The following FRMD4A variants were observed in gnomAD, a reference collection of about 807,000 sequenced individuals.
FRMD4A encodes the protein FERM domain containing 4A.
In FRMD4A, 29 loss-of-function variants were observed where a neutral mutation model predicts 129.1. The observed-to-expected ratio is 0.22, with a 90% CI of 0.17 to 0.31. The LOEUF (loss-of-function observed/expected upper bound fraction) is 0.31. Ranked by LOEUF, FRMD4A falls within the 10% of genes least tolerant of loss-of-function variation. The probability of loss-of-function intolerance (pLI) is 1.00; values close to 1 mark genes in which losing one functional copy is unlikely to be tolerated. For missense variants in FRMD4A, 1,272 were observed against 1,375.8 expected (o/e 0.92, Z 1.19); for synonymous variants, 634 against 571.6 (o/e 1.11, Z -1.56).
At chr10:14,035,611 G>T (rs1448718320) in intron 2 of FRMD4A, among the ~76,000 whole-genome samples, 2 of 151,954 alleles carry the variant, frequency 1.3e-5, no homozygotes, top group African/African-American at 4.8e-5. Flanking sequence ...TTTTCTCCTG[G>T]GCTGCGTACC....
At chr10:14,185,656 T>G (rs1052535354) in intron 2 of FRMD4A, among the ~76,000 whole-genome samples, 8 of 152,188 alleles carry the variant, frequency 5.3e-5, no homozygotes, top group African/African-American at 1.9e-4. Context: ...GGGGCGGTTG[T>G]TAGCTGTGCA....
At chr10:13,731,679 C>T (rs1240963172) in intron 12 of FRMD4A, among the ~76,000 whole-genome samples, 1 of 151,088 alleles carries the variant, frequency 6.6e-6, no homozygotes, top group African/African-American at 2.4e-5. Flanking sequence ...ATTCTACATC[C>T]TATCCTCAGA....
chr10:13,848,972 T>C (rs940931837), intron 3 of FRMD4A, among the ~76,000 whole-genome samples: 1 of 152,230 alleles, frequency 6.6e-6, no homozygotes, highest in Non-Finnish European at 1.5e-5. Flanking sequence ...TATCTTACCA[T>C]GTCTTTCTTC....
chr10:13,701,909 C>T (rs1247855995), intron 13 of FRMD4A, among the ~76,000 whole-genome samples: 1 of 152,134 alleles, frequency 6.6e-6, no homozygotes, highest in Non-Finnish European at 1.5e-5. Context: ...CAGGCTACAG[C>T]GTCCCAGGGA....
intron 2 of FRMD4A, among the ~76,000 whole-genome samples, chr10:14,164,285 C>T (rs1459137401): frequency 6.6e-6 from 1 of 152,208 alleles, no homozygotes; most frequent in Non-Finnish European, 1.5e-5. Flanking sequence ...GCCGCTCTGG[C>T]TGGGAGAATG....
At chr10:13,740,014 C>T (rs1447111385) in intron 11 of FRMD4A, among the ~76,000 whole-genome samples, 180 bp downstream of exon 11, 2 of 152,156 alleles carry the variant, frequency 1.3e-5, no homozygotes, top group African/African-American at 2.4e-5. Flanking sequence ...GTAGGAGAAT[C>T]GCTTGAACCC....
intron 2 of FRMD4A, among the ~76,000 whole-genome samples, chr10:14,188,973 A>C (rs1385789233): frequency 6.6e-6 from 1 of 152,204 alleles, no homozygotes; most frequent in Non-Finnish European, 1.5e-5. Context: ...TGAGCAACCC[A>C]GCTCACCTCT....
Position 14,301,129 on chromosome 10 carries a change from C to T in FRMD4A, c.45+28929G>A, listed in dbSNP as rs78724032. 9.2e-3 allele frequency among the ~76,000 whole-genome samples: 1,404 copies of T among 152,308 alleles called. 9 individuals are homozygous for T. Among genetic ancestry groups the T allele is most frequent in the Middle Eastern group, 0.058 (17 of 294 alleles). ...AGATTCTCTGGTTGACATATTGTCA[C>T]TCATAAACACCAGGAAAGTAACATT... On this transcript the variant is annotated intron_variant, in intron 2 of 24. Coordinates refer to ENST00000357447, the MANE Select transcript of FRMD4A (RefSeq NM_018027.5).
intron 2 of FRMD4A, among the ~76,000 whole-genome samples, chr10:13,963,537 G>T (rs576186143): frequency 6.6e-6 from 1 of 152,192 alleles, no homozygotes; most frequent in Non-Finnish European, 1.5e-5. Context: ...AGATAAAAAC[G>T]AATCATTGAA....
chr10:13,737,385 C>T (rs2090697808), intron 12 of FRMD4A, among the ~76,000 whole-genome samples: 1 of 152,176 alleles, frequency 6.6e-6, no homozygotes, highest in Non-Finnish European at 1.5e-5. Flanking sequence ...CCAGCGTGCC[C>T]AGCCTTTCAG....
chr10:14,315,380 T>C (rs995554435), intron 2 of FRMD4A, among the ~76,000 whole-genome samples: 1 of 152,210 alleles, frequency 6.6e-6, no homozygotes. Flanking sequence ...ACCTATTTCT[T>C]CTGTGATCTC....
At chr10:14,098,394 T>C (rs1433895157) in intron 2 of FRMD4A, among the ~76,000 whole-genome samples, 1 of 151,174 alleles carries the variant, frequency 6.6e-6, no homozygotes, top group Non-Finnish European at 1.5e-5. Flanking sequence ...TGGTTCTCTC[T>C]TTTTTTCTTT....
intron 2 of FRMD4A, among the ~76,000 whole-genome samples, chr10:13,978,289 T>A (rs1325025550): frequency 6.6e-6 from 1 of 152,168 alleles, no homozygotes; most frequent in Non-Finnish European, 1.5e-5. Context: ...GCTGGTGTGC[T>A]GTCCCCCATG....
chr10:13,903,950 T>C (rs2094850687), intron 2 of FRMD4A, among the ~76,000 whole-genome samples: 1 of 152,314 alleles, frequency 6.6e-6, no homozygotes, highest in Middle Eastern at 3.4e-3. Flanking sequence ...AGAATTGCAG[T>C]CTTAAGAACT....
chr10:13,889,676 A>T (rs1397416326), intron 2 of FRMD4A, among the ~76,000 whole-genome samples: 1 of 152,234 alleles, frequency 6.6e-6, no homozygotes, highest in Non-Finnish European at 1.5e-5. Context: ...GGCAGATCAC[A>T]CTTGGTCAGA....
intron 2 of FRMD4A, among the ~76,000 whole-genome samples, chr10:14,194,092 T>A (rs1842399677): frequency 6.6e-6 from 1 of 152,214 alleles, no homozygotes; most frequent in South Asian, 2.1e-4. Flanking sequence ...GGGGGTTTCC[T>A]CTGTGATTTT....
chr10:14,042,793 C>T (rs1301822897), intron 2 of FRMD4A, among the ~76,000 whole-genome samples: 3 of 151,332 alleles, frequency 2.0e-5, no homozygotes, highest in South Asian at 2.1e-4. Flanking sequence ...TGACACTGCA[C>T]CTCTACTAAA....
At chr10:13,689,510 C>T (rs1322059573) in intron 15 of FRMD4A, among the ~76,000 whole-genome samples, 1 of 149,412 alleles carries the variant, frequency 6.7e-6, no homozygotes, top group Non-Finnish European at 1.5e-5. Context: ...CAGCAAGGCC[C>T]AGGGTACCAT....
intron 2 of FRMD4A, among the ~76,000 whole-genome samples, chr10:14,080,103 G>T (rs1835838822): frequency 6.6e-6 from 1 of 152,098 alleles, no homozygotes; most frequent in African/African-American, 2.4e-5. Context: ...CCCTGCCTGG[G>T]TCTGCAAAAG....
Sources: gnomAD v4.1 joint callset for allele counts (sites outside exome capture counted in the v4.1 genomes callset) on GRCh38, gnomAD v4.1.1 for gene constraint, MANE v1.5 for transcripts, NCBI Gene and HGNC (gene_info 2026-07-23, HGNC 2026-07-21) for gene names.